ARB2A: variants seen among roughly 807,000 people sequenced by gnomAD.
ARB2A encodes the protein cotranscriptional regulator ARB2A.
the ARB2A span, among the ~76,000 whole-genome samples, chr5:93,848,872 G>A: frequency 6.6e-6 from 1 of 152,144 alleles, no homozygotes; most frequent in Non-Finnish European, 1.5e-5. Flanking sequence ...AATTAACAAA[G>A]TACAAAAGAA....
At chr5:93,975,286 C>A in the ARB2A span, among the ~76,000 whole-genome samples, 1 of 141,690 alleles carries the variant, frequency 7.1e-6, no homozygotes, top group Admixed American at 7.3e-5. Context: ...CACTGCACTC[C>A]AGCCTGGGAC....
chr5:94,018,530 T>C, the ARB2A span, among the ~76,000 whole-genome samples: 1 of 152,122 alleles, frequency 6.6e-6, no homozygotes, highest in Non-Finnish European at 1.5e-5. Context: ...TTAAAAACAA[T>C]GGTAACATAC....
chr5:94,080,409 A>G, the ARB2A span, among the ~76,000 whole-genome samples: 1 of 152,172 alleles, frequency 6.6e-6, no homozygotes, highest in Non-Finnish European at 1.5e-5. Flanking sequence ...CAAATTTTCA[A>G]TTTTCTCATC....
the ARB2A span, chr5:93,738,041 A>C: frequency 2.8e-6 from 1 of 353,804 alleles, no homozygotes; most frequent in East Asian, 8.4e-5. Context: ...CAACCCACAG[A>C]ATGGGAGAAA....
At chr5:93,949,974 T>C in the ARB2A span, among the ~76,000 whole-genome samples, 2 of 152,238 alleles carry the variant, frequency 1.3e-5, no homozygotes, top group African/African-American at 4.8e-5. Flanking sequence ...TCTGTCTTTC[T>C]GTGCCTGGAT....
At chr5:93,995,961 C>T in the ARB2A span, among the ~76,000 whole-genome samples, 1 of 152,068 alleles carries the variant, frequency 6.6e-6, no homozygotes, top group African/African-American at 2.4e-5. Flanking sequence ...CAAAATATGG[C>T]CCTTCTTCAT....
the ARB2A span, among the ~76,000 whole-genome samples, chr5:93,681,608 C>A: frequency 1.7e-4 from 26 of 152,276 alleles, no homozygotes; most frequent in Admixed American, 1.0e-3. Context: ...AAACTCTAAG[C>A]TACCTGAACC....
At chr5:93,962,976 C>T in the ARB2A span, among the ~76,000 whole-genome samples, 1 of 152,022 alleles carries the variant, frequency 6.6e-6, no homozygotes, top group Admixed American at 6.5e-5. Context: ...GTGATTTGTT[C>T]TAGAAATTTG....
chr5:93,957,169 A>G, the ARB2A span, among the ~76,000 whole-genome samples: 6 of 152,180 alleles, frequency 3.9e-5, no homozygotes, highest in South Asian at 1.2e-3. Context: ...AAGTTTGTTC[A>G]AACAAACATG....
At chr5:93,773,629 A>AT in the ARB2A span, among the ~76,000 whole-genome samples, 20 of 151,696 alleles carry the variant, frequency 1.3e-4, no homozygotes, top group African/African-American at 2.7e-4. Flanking sequence ...ACAGATACTG[A>AT]TTTTTTTTTA....
chr5:93,964,502 C>CAT, the ARB2A span: 1 of 1,581,404 alleles, frequency 6.3e-7, no homozygotes, highest in South Asian at 1.2e-5. Context: ...TCCAGGAGCT[C>CAT]ATATACATAC....
the ARB2A span, among the ~76,000 whole-genome samples, chr5:93,703,169 G>A: frequency 6.6e-6 from 1 of 152,136 alleles, no homozygotes; most frequent in East Asian, 1.9e-4. Flanking sequence ...CAATATATTT[G>A]TAAGTATACA....
chr5:93,726,912 A>T, the ARB2A span, among the ~76,000 whole-genome samples: 2 of 152,162 alleles, frequency 1.3e-5, no homozygotes, highest in Non-Finnish European at 2.9e-5. Context: ...AAGGGCAAGA[A>T]GTTTCTAGAT....
At chr5:93,631,656 T>A in the ARB2A span, among the ~76,000 whole-genome samples, 5 of 152,270 alleles carry the variant, frequency 3.3e-5, no homozygotes, top group East Asian at 9.7e-4. Context: ...AGTTGCTTCA[T>A]TGTAAAATAA....
the ARB2A span, among the ~76,000 whole-genome samples, chr5:93,658,671 A>G: frequency 6.6e-6 from 1 of 152,124 alleles, no homozygotes; most frequent in Non-Finnish European, 1.5e-5. Context: ...ATTTACTGTA[A>G]GAAAAATATC....
chr5:93,777,719 T>C, the ARB2A span, among the ~76,000 whole-genome samples: 1 of 152,204 alleles, frequency 6.6e-6, no homozygotes, highest in Admixed American at 6.5e-5. Flanking sequence ...CCGTCCTCAC[T>C]GTGGAAAGAT....
chr5:93,746,380 C>A, the ARB2A span, among the ~76,000 whole-genome samples: 3 of 151,976 alleles, frequency 2.0e-5, no homozygotes, highest in African/African-American at 7.2e-5. Flanking sequence ...GAAAGAAGAG[C>A]CATTTGTAAA....
the ARB2A span, among the ~76,000 whole-genome samples, chr5:93,820,585 T>C: frequency 2.0e-5 from 3 of 152,208 alleles, no homozygotes; most frequent in Non-Finnish European, 4.4e-5. Context: ...ATTCTAATTA[T>C]GGTTAATAAT....
At chr5:93,783,312 G>C in the ARB2A span, among the ~76,000 whole-genome samples, 5 of 152,222 alleles carry the variant, frequency 3.3e-5, no homozygotes, top group East Asian at 9.7e-4. Flanking sequence ...CATGTTTATA[G>C]TATTAAGAGG....
Sources: gnomAD v4.1 joint callset for allele counts (sites outside exome capture counted in the v4.1 genomes callset) on GRCh38, gnomAD v4.1.1 for gene constraint, MANE v1.5 for transcripts, NCBI Gene and HGNC (gene_info 2026-07-23, HGNC 2026-07-21) for gene names.